RET: variants seen among roughly 807,000 people sequenced by gnomAD.
The protein encoded by RET is ret proto-oncogene, also known as proto-oncogene tyrosine-protein kinase receptor Ret.
RET carries 19 observed loss-of-function variants against 118.3 expected under a neutral mutation model. The observed-to-expected ratio is 0.16, with a 90% CI of 0.11 to 0.24. RET has a LOEUF of 0.24. RET is among the 10% of genes least tolerant of loss of function. The pLI, the probability that RET is intolerant of heterozygous loss-of-function variation, is 1.00. For synonymous variants in RET, 597 were observed against 644.1 expected, an observed-to-expected ratio of 0.93 and a Z score of 1.11; for missense variants, 1,219 against 1,502.1, an observed-to-expected ratio of 0.81 and a Z score of 3.12.
intron 7 of RET, 28 bp downstream of exon 7, chr10:43,111,493 T>C (rs1313239645): frequency 3.1e-5 from 43 of 1,398,742 alleles, no homozygotes; most frequent in Non-Finnish European, 4.2e-5. Flanking sequence ...GGAGGGAGGG[T>C]CGGGGTCCTG....
chr10:43,102,689 G>A (rs955647098), intron 3 of RET, 60 bp downstream of exon 3: 16 of 1,599,942 alleles, frequency 1.0e-5, no homozygotes, highest in African/African-American at 8.0e-5. Flanking sequence ...CTTGCTCTGC[G>A]AGCCCTTGAC....
In RET at chr10:43,106,517, G is replaced by C. The variant is rs1161270866; in HGVS notation, c.1009G>C (p.Glu337Gln). Residue 337 changes from glutamate to glutamine, a missense_variant, in exon 5 of 20, where the codon GAG (glutamate) becomes CAG (glutamine). By Grantham distance (29) the Glu-to-Gln change is conservative (BLOSUM62 2). Coordinates refer to ENST00000355710, the MANE Select transcript of RET (RefSeq NM_020975.6). This position sits in a 1 kb window ranked among gnomAD's most constrained non-coding sequence, Gnocchi z 5.1. ...QTFRVEHWPN[E>Q]TSVQANGSFV... is the part of the protein sequence containing the mutation. ...CTTCCGGGTGGAACACTGGCCCAAC[G>C]AGACCTCGGTCCAGGCCAACGGCAG... 6.2e-7 allele frequency: 1 copy of C among 1,613,792 alleles called. No homozygotes were observed. Among genetic ancestry groups the C allele is most frequent in the Non-Finnish European group, 8.5e-7 (1 of 1,179,828 alleles).
chr10:43,090,101 G>A (rs1445604294), intron 1 of RET, among the ~76,000 whole-genome samples: 2 of 152,212 alleles, frequency 1.3e-5, no homozygotes, highest in African/African-American at 4.8e-5. Flanking sequence ...GTGTATGAAA[G>A]GGAAACTGGA....
In RET at chr10:43,120,056, C is replaced by T. The variant is rs538648449; in HGVS notation, c.2608-25C>T. ...CCGCTGCTGCCTGGCCATGGCCTGA[C>T]GACTCGTGCTATTTTTCCTCACAGC... On this transcript the variant is annotated intron_variant, in intron 14 of 19. Transcript: ENST00000355710. 5.0e-5 allele frequency: 80 copies of T among 1,612,458 alleles called. No homozygotes were observed. In the South Asian group the frequency reaches 7.1e-4, roughly 14 times the overall value.
intron 10 of RET, 36 bp downstream of exon 10, chr10:43,113,711 C>T (rs781098225): frequency 1.2e-6 from 2 of 1,611,136 alleles, no homozygotes; most frequent in African/African-American, 1.3e-5. Context: ...CACCACCTCC[C>T]AGCCCCACAG....
intron 3 of RET, 195 bp from the exon 4 acceptor site, chr10:43,104,753 AAACT>A: frequency 1.3e-6 from 1 of 788,100 alleles, no homozygotes; most frequent in South Asian, 1.8e-5. Flanking sequence ...TGCAAACTGC[AAACT>A]CGTAAGCACA....
rs1032272196 is a variant in RET at position 43,102,728 on chromosome 10, C to T, written c.625+99C>T. 17 of 1,435,292 alleles carry T rather than the reference C, an allele frequency of 1.2e-5. No individual in the cohort carries two copies. The African/African-American group carries it at 2.2e-4, about 19-fold the overall frequency. 88.9% of individuals were successfully genotyped at this position (1,435,292 alleles called of 1,614,324 possible). ...AGCCATCTGGTTTATTCTTCACCTT[C>T]ATGCCATCAGTTCATTCAATATTCC... On this transcript the variant is annotated intron_variant, in intron 3 of 19. Transcript: ENST00000355710.
chr10:43,079,398 G>A (rs917880351), intron 1 of RET, among the ~76,000 whole-genome samples: 1 of 152,198 alleles, frequency 6.6e-6, no homozygotes. Context: ...TAGCCTGTCA[G>A]CCCCAGGTAT....
chr10:43,082,366 G>A (rs1049451087), intron 1 of RET, among the ~76,000 whole-genome samples: 4 of 152,184 alleles, frequency 2.6e-5, no homozygotes, highest in Admixed American at 2.6e-4. Flanking sequence ...TCAAGGAGTG[G>A]CTCCACAAAG....
intron 1 of RET, among the ~76,000 whole-genome samples, chr10:43,095,432 A>G (rs1444171970): frequency 6.6e-6 from 1 of 152,204 alleles, no homozygotes; most frequent in African/African-American, 2.4e-5. Context: ...TGCTGCCTGC[A>G]AAGTAACCTG....
At chr10:43,079,960 G>A (rs1487519851) in intron 1 of RET, among the ~76,000 whole-genome samples, 1 of 152,194 alleles carries the variant, frequency 6.6e-6, no homozygotes, top group East Asian at 1.9e-4. Context: ...ACCCTGTCTG[G>A]CCTCCAGAAG....
rs587778660 is a variant in RET at position 43,106,557 on chromosome 10, C to T, written c.1049C>T (p.Thr350Ile). The T allele has an allele frequency of 5.0e-6, 8 of 1,613,570 alleles. No homozygotes were observed. Among genetic ancestry groups the T allele is most frequent in the Non-Finnish European group, 6.8e-6 (8 of 1,179,736 alleles). Residue 350 changes from threonine to isoleucine, a missense_variant, in exon 5 of 20, where the codon ACC (threonine) becomes ATC (isoleucine). Coordinates refer to ENST00000355710, the MANE Select transcript of RET (RefSeq NM_020975.6). The surrounding 1 kb of genome is among the most constrained non-coding windows in gnomAD (Gnocchi z 5.1). ...GCCAACGGCAGCTTCGTGCGGGCGA[C>T]CGTACATGACTATAGTAAGAGGGGC... ...VQANGSFVRA[T>I]VHDYRLVLNR...
chr10:43,112,299 C>T, intron 8 of RET, 75 bp downstream of exon 8: 1 of 1,451,664 alleles, frequency 6.9e-7, no homozygotes, highest in Non-Finnish European at 9.1e-7. Flanking sequence ...GGGGCCCTGC[C>T]AGCCTGGGGT....
intron 6 of RET, among the ~76,000 whole-genome samples, chr10:43,110,188 A>G (rs1451377263): frequency 6.6e-6 from 1 of 152,196 alleles, no homozygotes. Flanking sequence ...GGGCAAGAGC[A>G]GGCATTGCTG....
intron 11 of RET, 70 bp from the exon 12 acceptor site, chr10:43,116,514 G>A (rs3026764): frequency 6.3e-6 from 10 of 1,583,504 alleles, no homozygotes. Flanking sequence ...TAAGGGTCTT[G>A]CCTTCTTCCT....
chr10:43,109,125 G>A lies in RET; in HGVS notation c.1158G>A (p.Ala386=), dbSNP rs373540097. 443 of 1,613,752 alleles carry A rather than the reference G, an allele frequency of 2.7e-4. No individual in the cohort carries two copies. The highest frequency in any genetic ancestry group is 1.5e-4 in the Admixed American group (9 of 60,004). The change falls in exon 6 of 20, where the codon GCG becomes GCA. Residue 386 remains alanine (A), a synonymous_variant. Coordinates refer to ENST00000355710, the MANE Select transcript of RET (RefSeq NM_020975.6). The part of the protein sequence containing the change: ...VNDSDFQGPG[A]GVLLLHFNVS... ...ACTCAGACTTCCAGGGCCCAGGAGC[G>A]GGCGTCCTCTTGCTCCACTTCAACG...
intron 17 of RET, 97 bp from the exon 18 acceptor site, chr10:43,124,786 C>T: frequency 8.4e-7 from 1 of 1,193,802 alleles, no homozygotes; most frequent in Non-Finnish European, 1.2e-6. Flanking sequence ...GCACACTGGG[C>T]CCAGGGTACA....
Position 43,114,379 on chromosome 10 carries a change from A to G in RET, c.1880-101A>G. The G allele has an allele frequency of 6.6e-7, 1 of 1,522,626 alleles. No homozygotes were observed. Among genetic ancestry groups the G allele is most frequent in the Non-Finnish European group, 8.9e-7 (1 of 1,121,938 alleles). 94.3% of individuals were successfully genotyped at this position (1,522,626 alleles called of 1,614,324 possible). On this transcript the variant is annotated intron_variant, in intron 10 of 19. Coordinates refer to ENST00000355710, the MANE Select transcript of RET (RefSeq NM_020975.6). This position sits in a 1 kb window ranked among gnomAD's most constrained non-coding sequence, Gnocchi z 4.6. ...CATGGCCACTTCCCAGCTGGCGCGG[A>G]CACGGCAGGCTGGAGAGCCATGAGG...
At chr10:43,094,801 T>G (rs1402851667) in intron 1 of RET, among the ~76,000 whole-genome samples, 1 of 152,216 alleles carries the variant, frequency 6.6e-6, no homozygotes, top group African/African-American at 2.4e-5. Flanking sequence ...GTTAGAGCCC[T>G]ATTGGCAGTG....
Sources: gnomAD v4.1 joint callset for allele counts (sites outside exome capture counted in the v4.1 genomes callset) on GRCh38, gnomAD v4.1.1 for gene constraint, Gnocchi (gnomAD v3.1) non-coding constraint, MANE v1.5 for transcripts, NCBI Gene and HGNC (gene_info 2026-07-23, HGNC 2026-07-21) for gene names.